The following ZNF407 variants were observed in gnomAD, a reference collection of about 807,000 sequenced individuals.
ZNF407 encodes zinc finger protein 407.
In ZNF407, 17 loss-of-function variants were observed where a neutral mutation model predicts 131.2. The ratio of observed to expected loss-of-function variants is 0.13; its 90% CI spans 0.09 to 0.19. ZNF407 has a LOEUF of 0.19. ZNF407 is among the 10% of genes least tolerant of loss of function. The pLI is 1.00. For synonymous variants in ZNF407, 1,156 were observed against 1,062.0 expected, an observed-to-expected ratio of 1.09 and a Z score of -1.72; for missense variants, 2,681 against 2,830.6, an observed-to-expected ratio of 0.95 and a Z score of 1.20.
At chr18:74,754,523 T>C (rs1449635931) in intron 3 of ZNF407, among the ~76,000 whole-genome samples, 1 of 152,248 alleles carries the variant, frequency 6.6e-6, no homozygotes, top group African/African-American at 2.4e-5. Flanking sequence ...GCTTTAAATG[T>C]GTCCCAGAGA....
chr18:74,699,300 C>A (rs910462506), intron 3 of ZNF407, among the ~76,000 whole-genome samples: 3 of 152,092 alleles, frequency 2.0e-5, no homozygotes, highest in African/African-American at 7.2e-5. Flanking sequence ...TTTCCTGGTA[C>A]AGGTTTTGTT....
At chr18:74,664,672 C>T (rs969008475) in intron 3 of ZNF407, among the ~76,000 whole-genome samples, 1 of 151,982 alleles carries the variant, frequency 6.6e-6, no homozygotes, top group Non-Finnish European at 1.5e-5. Flanking sequence ...TTGCTTTTTC[C>T]CCTTCTGCTG....
chr18:74,752,967 G>A (rs1249810659), intron 3 of ZNF407, among the ~76,000 whole-genome samples: 5 of 152,196 alleles, frequency 3.3e-5, no homozygotes, highest in African/African-American at 4.8e-5. Flanking sequence ...ACCTTGGGCA[G>A]TATGGCCATT....
chr18:74,749,322 C>T (rs1180957170), intron 3 of ZNF407, among the ~76,000 whole-genome samples: 1 of 152,118 alleles, frequency 6.6e-6, no homozygotes, highest in African/African-American at 2.4e-5. Context: ...CTTATATTTT[C>T]TTCACATCCC....
intron 5 of ZNF407, among the ~76,000 whole-genome samples, chr18:74,879,080 G>T (rs1471000893): frequency 6.6e-6 from 1 of 152,116 alleles, no homozygotes; most frequent in African/African-American, 2.4e-5. Context: ...CTTTTTGTAT[G>T]TATAAATCTT....
intron 3 of ZNF407, among the ~76,000 whole-genome samples, chr18:74,708,747 A>G (rs1599087340): frequency 6.6e-6 from 1 of 152,224 alleles, no homozygotes; most frequent in Admixed American, 6.5e-5. Flanking sequence ...GGCTGCCACA[A>G]CAGGAACCCC....
At chr18:74,673,217 G>C (rs514850) in intron 3 of ZNF407, among the ~76,000 whole-genome samples, 3,524 of 152,212 alleles carry the variant, frequency 0.023, 147 homozygotes, top group African/African-American at 0.08. Flanking sequence ...ACAAACTTAG[G>C]CCTTAAACAA....
At chr18:74,952,432 A>G (rs1256682957) in intron 8 of ZNF407, among the ~76,000 whole-genome samples, 1 of 152,158 alleles carries the variant, frequency 6.6e-6, no homozygotes, top group Non-Finnish European at 1.5e-5. Context: ...TTTACTGCCA[A>G]ATACTTGTCG....
chr18:74,641,510 AG>A (rs1984716787), intron 3 of ZNF407, among the ~76,000 whole-genome samples: 1 of 152,162 alleles, frequency 6.6e-6, no homozygotes, highest in Non-Finnish European at 1.5e-5. Context: ...TTATCACAGT[AG>A]TAGCTCTTTG....
At chr18:74,796,232 CA>C (rs1021335541) in intron 4 of ZNF407, among the ~76,000 whole-genome samples, 3 of 152,200 alleles carry the variant, frequency 2.0e-5, no homozygotes, top group African/African-American at 7.2e-5. Flanking sequence ...AATATTGATA[CA>C]TTTTTTTCCA....
At chr18:74,760,689 A>G (rs1969074964) in intron 3 of ZNF407, among the ~76,000 whole-genome samples, 1 of 152,126 alleles carries the variant, frequency 6.6e-6, no homozygotes, top group East Asian at 1.9e-4. Flanking sequence ...CCAGGTAAGT[A>G]GTGGAATTTT....
chr18:74,640,765 C>G (rs184355718), intron 2 of ZNF407, among the ~76,000 whole-genome samples: 3 of 152,260 alleles, frequency 2.0e-5, no homozygotes, highest in Admixed American at 1.3e-4. Flanking sequence ...AGCAGTCTCA[C>G]TTTTGAGTTT....
intron 3 of ZNF407, among the ~76,000 whole-genome samples, chr18:74,642,321 A>G (rs1426358112): frequency 6.6e-6 from 1 of 152,110 alleles, no homozygotes; most frequent in Non-Finnish European, 1.5e-5. Context: ...TGCAAGGGTC[A>G]GGTGTCAAAT....
Position 74,696,566 on chromosome 18 carries a change from C to T in ZNF407, c.4802+55444C>T, listed in dbSNP as rs142627998. On this transcript the variant is annotated intron_variant, in intron 3 of 8. Coordinates refer to ENST00000299687, the MANE Select transcript of ZNF407 (RefSeq NM_017757.3). ...AACCATTGATCTTAAGATGCCTCCACGGAACTTTTCTTAGAGGTTCTGTTT... is the reference window on the plus strand; with the variant it reads ...AACCATTGATCTTAAGATGCCTCCATGGAACTTTTCTTAGAGGTTCTGTTT... Among the ~76,000 whole-genome samples the T allele has an allele frequency of 3.5e-4, 53 of 152,258 alleles. 1 individual carries two copies. The Middle Eastern group carries it at 0.01, about 29-fold the overall frequency.
intron 3 of ZNF407, among the ~76,000 whole-genome samples, chr18:74,671,789 G>C (rs1986150415): frequency 6.6e-6 from 1 of 152,176 alleles, no homozygotes; most frequent in Admixed American, 6.5e-5. Flanking sequence ...CTGTGATGTG[G>C]ACACCTTTGG....
In ZNF407 at chr18:75,063,259, G is replaced by A; in HGVS notation, c.5538G>A (p.Lys1846=). 1.2e-6 allele frequency: 2 copies of A among 1,613,664 alleles called. No homozygotes were observed. Among genetic ancestry groups the A allele is most frequent in the Non-Finnish European group, 8.5e-7 (1 of 1,179,876 alleles). Residue 1846 remains lysine, a synonymous_variant, in exon 9 of 9, where the codon AAG becomes AAA. Transcript: ENST00000299687. The surrounding 1 kb of genome is among the most constrained non-coding windows in gnomAD (Gnocchi z 6.6). ...CCTTGGCAGAAGAGCCCCTCGTCAA[G>A]GAGAAGCCCCTCAGAAGCAGCAGGA... is the stretch of plus-strand genomic sequence containing the variant. ...AAALAEEPLV[K]EKPLRSSRRP...
At chr18:74,760,425 T>C (rs1969068886) in intron 3 of ZNF407, among the ~76,000 whole-genome samples, 1 of 152,210 alleles carries the variant, frequency 6.6e-6, no homozygotes, top group Admixed American at 6.5e-5. Flanking sequence ...TTCTGGAGTA[T>C]GTTGGAGCTT....
At chr18:74,747,936 A>T (rs1968708846) in intron 3 of ZNF407, among the ~76,000 whole-genome samples, 1 of 152,148 alleles carries the variant, frequency 6.6e-6, no homozygotes, top group Non-Finnish European at 1.5e-5. Context: ...GTGAAGTTTA[A>T]TGGTTTGTAA....
At chr18:75,033,301 T>C (rs187394536) in intron 8 of ZNF407, among the ~76,000 whole-genome samples, 1 of 152,188 alleles carries the variant, frequency 6.6e-6, no homozygotes, top group African/African-American at 2.4e-5. Flanking sequence ...GGGGGGAAGA[T>C]AGTATTAGAT....
Sources: gnomAD v4.1 joint callset for allele counts (sites outside exome capture counted in the v4.1 genomes callset) on GRCh38, gnomAD v4.1.1 for gene constraint, Gnocchi (gnomAD v3.1) non-coding constraint, MANE v1.5 for transcripts, NCBI Gene and HGNC (gene_info 2026-07-23, HGNC 2026-07-21) for gene names.